Variants in SCML2 observed in about 807,000 individuals in gnomAD.
The protein encoded by SCML2 is Scm polycomb group protein like 2.
Under a neutral mutation model 48.4 loss-of-function variants are expected in SCML2, and 6 were observed. The observed-to-expected ratio is 0.12, with a 90% CI of 0.07 to 0.24. The LOEUF is 0.24. SCML2 is among the 10% of genes least tolerant of loss of function. The pLI is 1.00. For missense variants in SCML2, 377 were observed against 528.2 expected (o/e 0.71, Z 2.81); for synonymous variants, 181 against 189.5 (o/e 0.95, Z 0.37).
chrX:18,300,198 G>A (rs1360818380), intron 7 of SCML2, among the ~76,000 whole-genome samples: 1 of 108,578 alleles, frequency 9.2e-6, no homozygotes, highest in African/African-American at 3.4e-5. Context: ...CTAGGAGGTC[G>A]AGACCAGCCT....
chrX:18,259,770 G>A (rs1489414815), intron 9 of SCML2, among the ~76,000 whole-genome samples: 3 of 111,923 alleles, frequency 2.7e-5, no homozygotes, highest in Non-Finnish European at 3.8e-5. Context: ...AAAGTCCAGG[G>A]AATAGGAGAG....
intron 6 of SCML2, among the ~76,000 whole-genome samples, chrX:18,305,654 T>G (rs192453460): frequency 3.6e-5 from 4 of 110,179 alleles, no homozygotes; most frequent in African/African-American, 1.3e-4. Flanking sequence ...AATATGTAAA[T>G]TGGTGTGTCA....
intron 7 of SCML2, among the ~76,000 whole-genome samples, chrX:18,273,147 C>T (rs918543783): frequency 9.0e-6 from 1 of 111,329 alleles, no homozygotes; most frequent in Admixed American, 9.6e-5. Flanking sequence ...CTCCTACTTC[C>T]GTCACTTTTC....
At chrX:18,269,482 C>G (rs1322087344) in intron 7 of SCML2, among the ~76,000 whole-genome samples, 2 of 112,041 alleles carry the variant, frequency 1.8e-5, no homozygotes, top group African/African-American at 6.5e-5. Context: ...AACTGTGAGT[C>G]AATTAAACCT....
At position 18,246,700 on chromosome X, in the gene SCML2, T is replaced by A; in HGVS notation, c.1699A>T (p.Thr567Ser). The change falls in exon 13 of 15, where the codon ACT (threonine) becomes TCT (serine). Residue 567 changes from threonine (T) to serine (S), a missense_variant. This residue lies in a region of SCML2 where 299 missense variants were observed against 425.5 expected (regional missense o/e 0.70). Transcript: ENST00000251900. ...PACRNPMYIHTSVSQDFSRSV... is the reference protein window; with the variant it reads ...PACRNPMYIHSSVSQDFSRSV... ...CGAGAAAAATCCTGGGAGACTGAAGTATGAATATACATAGGATTTCTACAG... is the reference window on the plus strand; with the variant it reads ...CGAGAAAAATCCTGGGAGACTGAAGAATGAATATACATAGGATTTCTACAG... The A allele has an allele frequency of 8.3e-7, 1 of 1,210,624 alleles. No individual in the cohort carries two copies. The highest frequency in any genetic ancestry group is 1.1e-6 in the Non-Finnish European group (1 of 894,591).
intron 7 of SCML2, among the ~76,000 whole-genome samples, chrX:18,271,831 C>T (rs1483910343): frequency 9.0e-6 from 1 of 110,910 alleles, no homozygotes; most frequent in Non-Finnish European, 1.9e-5. Flanking sequence ...CAGTCAACAA[C>T]TTTCACCTTT....
Position 18,354,634 on chromosome X carries a change from A to G in SCML2, c.-67T>C, listed in dbSNP as rs1338381787. 59 of 285,855 alleles carry G rather than the reference A, an allele frequency of 2.1e-4. No homozygotes were observed. In the East Asian group the frequency reaches 2.9e-3, roughly 14 times the overall value. The allele number at this position is 285,855 out of a possible 1,213,427, so 23.6% of individuals were successfully genotyped here. A position where few individuals can be genotyped will look rare whatever the true frequency, so the allele number is the denominator to read the frequency against. On this transcript the variant is annotated 5_prime_UTR_variant, in exon 1 of 15. Coordinates refer to ENST00000251900, the MANE Select transcript of SCML2 (RefSeq NM_006089.3). ...AAAACAACGAAATTCTGTCCCACCG[A>G]TCGCGCGAGCCGGCACCGAGCTTCA...
intron 5 of SCML2, among the ~76,000 whole-genome samples, chrX:18,320,642 C>A (rs1929285426): frequency 9.0e-6 from 1 of 111,294 alleles, no homozygotes; most frequent in South Asian, 3.8e-4. Context: ...TAGAAACTCT[C>A]CTTTTAAGAG....
chrX:18,311,254 C>T (rs949998543), intron 6 of SCML2, among the ~76,000 whole-genome samples: 1 of 111,550 alleles, frequency 9.0e-6, no homozygotes, highest in Non-Finnish European at 1.9e-5. Flanking sequence ...TACTATATTC[C>T]GGACACTACT....
chrX:18,341,309 G>A, intron 1 of SCML2: 1 of 470,743 alleles, frequency 2.1e-6, no homozygotes, highest in South Asian at 2.9e-5. Flanking sequence ...GCTGACCAAA[G>A]AGGCCATTGA....
At chrX:18,298,928 T>C (rs191332704) in intron 7 of SCML2, among the ~76,000 whole-genome samples, 1 of 109,923 alleles carries the variant, frequency 9.1e-6, no homozygotes, top group Non-Finnish European at 1.9e-5. Context: ...CCCGAAACTA[T>C]AAAACTATGA....
intron 7 of SCML2, among the ~76,000 whole-genome samples, chrX:18,302,890 T>C (rs1928639360): frequency 8.9e-6 from 1 of 112,150 alleles, no homozygotes; most frequent in African/African-American, 3.2e-5. Flanking sequence ...TGAGTTCAGC[T>C]AGCAGTAATA....
intron 6 of SCML2, among the ~76,000 whole-genome samples, chrX:18,313,655 G>A (rs1401868747): frequency 9.0e-6 from 1 of 111,357 alleles, no homozygotes; most frequent in Admixed American, 9.6e-5. Context: ...ACTGTCATGT[G>A]TCCCTAGACC....
At chrX:18,267,832 G>A (rs1233817135) in intron 7 of SCML2, among the ~76,000 whole-genome samples, 1 of 110,972 alleles carries the variant, frequency 9.0e-6, no homozygotes, top group African/African-American at 3.3e-5. Context: ...TCCTGACCTC[G>A]TGATCCACCT....
chrX:18,242,523 G>C lies in SCML2; in HGVS notation c.1890C>G (p.Thr630=). 2 of 1,208,530 alleles carry C rather than the reference G, an allele frequency of 1.7e-6. No homozygotes were observed. Among genetic ancestry groups the C allele is most frequent in the Non-Finnish European group, 2.2e-6 (2 of 894,085 alleles). Reference sequence around the variant, plus strand: ...ACTGTATCACTTCATCCACAGACCAGGTTGAAGGGTCCTTAGAGAAGCCTT... The same window carrying C: ...ACTGTATCACTTCATCCACAGACCACGTTGAAGGGTCCTTAGAGAAGCCTT... ...LKQGFSKDPS[T]WSVDEVIQFM... is the part of the protein sequence containing the mutation. The change falls in exon 14 of 15, where the codon ACC becomes ACG. Residue 630 remains threonine (T), a synonymous_variant. Transcript: ENST00000251900.
At chrX:18,316,958 G>T (rs189590421) in intron 6 of SCML2, among the ~76,000 whole-genome samples, 42 of 112,303 alleles carry the variant, frequency 3.7e-4, no homozygotes, top group African/African-American at 1.3e-3. Flanking sequence ...TGGGAAAATT[G>T]TCTTCCACGA....
intron 6 of SCML2, among the ~76,000 whole-genome samples, chrX:18,316,420 T>C (rs1929123932): frequency 9.0e-6 from 1 of 111,548 alleles, no homozygotes; most frequent in South Asian, 3.8e-4. Flanking sequence ...GCAAAGGCTA[T>C]AATCAGACAA....
chrX:18,288,515 G>A lies in SCML2; in HGVS notation c.730+16457C>T, dbSNP rs1195117832. On this transcript the variant is annotated intron_variant, in intron 7 of 14. Coordinates refer to ENST00000251900, the MANE Select transcript of SCML2 (RefSeq NM_006089.3). ...TCCCTGTACCATAAAACAATTTTTAGAAGTGACTATTCAAATAATAGTGCC... is the reference window on the plus strand; with the variant it reads ...TCCCTGTACCATAAAACAATTTTTAAAAGTGACTATTCAAATAATAGTGCC... Among the ~76,000 whole-genome samples the A allele has an allele frequency of 2.7e-5, 3 of 110,954 alleles. No individual in the cohort carries two copies. In the East Asian group the frequency reaches 8.4e-4, roughly 31 times the overall value.
chrX:18,279,172 G>A (rs1927743906), intron 7 of SCML2, among the ~76,000 whole-genome samples: 1 of 112,994 alleles, frequency 8.9e-6, no homozygotes, highest in South Asian at 3.6e-4. Context: ...ACACGAGGAA[G>A]TACAAAAGCG....
Sources: allele counts gnomAD v4.1 joint callset (sites outside exome capture counted in the v4.1 genomes callset), GRCh38; gene constraint gnomAD v4.1.1; regional missense constraint gnomAD v4.1.1; transcripts MANE v1.5; gene names NCBI Gene and HGNC (gene_info 2026-07-23, HGNC 2026-07-21).